AMMECR1L: variants seen among roughly 807,000 people sequenced by gnomAD.
The protein encoded by AMMECR1L is AMMECR1-like protein.
In AMMECR1L, 4 loss-of-function variants were observed where a neutral mutation model predicts 36.8. The observed-to-expected ratio is 0.11, with a 90% CI of 0.05 to 0.25. AMMECR1L has a LOEUF of 0.25. Ranked by LOEUF, AMMECR1L falls within the 10% of genes least tolerant of loss-of-function variation. AMMECR1L has a pLI of 1.00. For missense variants in AMMECR1L, 232 were observed against 392.1 expected (o/e 0.59, Z 3.45); for synonymous variants, 147 against 148.0 (o/e 0.99, Z 0.05).
Position 127,864,869 on chromosome 2 carries a change from T to G in AMMECR1L, c.*225A>C. 1.4e-5 allele frequency: 5 copies of G among 365,076 alleles called. No individual in the cohort carries two copies. The highest frequency in any genetic ancestry group is 4.8e-5 in the East Asian group (1 of 20,824). The allele number at this position is 365,076 out of a possible 1,614,324, so 22.6% of individuals were successfully genotyped here. A position where few individuals can be genotyped will look rare whatever the true frequency, so the allele number is the denominator to read the frequency against. On this transcript the variant is annotated 3_prime_UTR_variant, in exon 8 of 8. Coordinates refer to ENST00000272647, the MANE Select transcript of AMMECR1L (RefSeq NM_001199140.2). ...GGAGCCCCAATCCAACGGAACCCCA[T>G]ATTGAGGAAAGGCTGAGATAAGGCT...
chr2:127,869,640 AAC>A lies in AMMECR1L; in HGVS notation c.634-98_634-97del. ...ATCAACATTGTTCCCTGACCAGCTT[AAC>A]ACAGGCCTGGAAAAGGGAGACCTTC... On this transcript the variant is annotated intron_variant, in intron 5 of 7. Coordinates refer to ENST00000272647, the MANE Select transcript of AMMECR1L (RefSeq NM_001199140.2). The surrounding 1 kb of genome is among the most constrained non-coding windows in gnomAD (Gnocchi z 4.7). 1.9e-6 allele frequency: 2 copies of A among 1,032,130 alleles called. No homozygotes were observed. The highest frequency in any genetic ancestry group is 2.6e-5 in the South Asian group (2 of 75,892). 63.9% of individuals were successfully genotyped at this position (1,032,130 alleles called of 1,614,324 possible).
chr2:127,875,806 T>A (rs1691210549), intron 2 of AMMECR1L, among the ~76,000 whole-genome samples: 2 of 152,156 alleles, frequency 1.3e-5, no homozygotes, highest in African/African-American at 4.8e-5. Flanking sequence ...TCTCTCTTTT[T>A]CTTTAAGAGA....
chr2:127,874,079 G>C lies in AMMECR1L; in HGVS notation c.156C>G (p.His52Gln). The C allele has an allele frequency of 6.2e-7, 1 of 1,614,224 alleles. No individual in the cohort carries two copies. ...PGSSSGPLQN[H>Q]QHVDSSSGRE... is the part of the protein sequence containing the mutation. ...GTCCACTGCTGCTGTCCACATGCTG[G>C]TGGTTTTGAAGAGGTCCTGAACTAG... The change falls in exon 3 of 8, where the codon CAC becomes CAG. Residue 52 changes from histidine to glutamine, a missense_variant. Around this residue, in one of 3 missense-constraint regions of AMMECR1L, gnomAD observed 109 missense variants for 128.1 expected, o/e 0.85. Coordinates refer to ENST00000272647, the MANE Select transcript of AMMECR1L (RefSeq NM_001199140.2). The surrounding 1 kb of genome is among the most constrained non-coding windows in gnomAD (Gnocchi z 5.2).
At position 127,869,661 on chromosome 2, in the gene AMMECR1L, G is replaced by T; in HGVS notation, c.634-117C>A. The T allele has an allele frequency of 1.2e-6, 1 of 826,304 alleles. No individual in the cohort carries two copies. The highest frequency in any genetic ancestry group is 2.0e-6 in the Non-Finnish European group (1 of 503,084). 51.2% of individuals were successfully genotyped at this position (826,304 alleles called of 1,614,324 possible). A position where few individuals can be genotyped will look rare whatever the true frequency, so the allele number is the denominator to read the frequency against. On this transcript the variant is annotated intron_variant, in intron 5 of 7. Coordinates refer to ENST00000272647, the MANE Select transcript of AMMECR1L (RefSeq NM_001199140.2). The surrounding 1 kb of genome is among the most constrained non-coding windows in gnomAD (Gnocchi z 4.7). ...GCTTAACACAGGCCTGGAAAAGGGA[G>T]ACCTTCTCGCATTTCATGACTAATT...
chr2:127,885,608 G>T, intron 1 of AMMECR1L: 1 of 982,356 alleles, frequency 1.0e-6, no homozygotes, highest in Non-Finnish European at 1.2e-6. Flanking sequence ...CCCTCCGCTG[G>T]GACATGGCCT....
At chr2:127,882,044 C>T (rs138166056) in intron 2 of AMMECR1L, among the ~76,000 whole-genome samples, 113 of 152,256 alleles carry the variant, frequency 7.4e-4, no homozygotes, top group Non-Finnish European at 1.2e-3. Context: ...GCTTAAAATG[C>T]TATTATTGTA....
At chr2:127,882,197 A>G (rs1691530074) in intron 2 of AMMECR1L, among the ~76,000 whole-genome samples, 1 of 152,226 alleles carries the variant, frequency 6.6e-6, no homozygotes, top group Non-Finnish European at 1.5e-5. Context: ...ACAAGCCTCA[A>G]AACAGCTTAT....
At position 127,869,050 on chromosome 2, in the gene AMMECR1L, G is replaced by C. The variant is rs1690837844; in HGVS notation, c.724+404C>G. ...CTACTGAGTTCTTTAAAAAACAGTA[G>C]GGACTATGTTTACACCCTTTGCCAT... On this transcript the variant is annotated intron_variant, in intron 6 of 7. Transcript: ENST00000272647. This position sits in a 1 kb window ranked among gnomAD's most constrained non-coding sequence, Gnocchi z 4.7. 6.6e-6 allele frequency among the ~76,000 whole-genome samples: 1 copy of C among 152,074 alleles called. No individual in the cohort carries two copies. The highest frequency in any genetic ancestry group is 1.5e-5 in the Non-Finnish European group (1 of 68,012).
At position 127,869,663 on chromosome 2, in the gene AMMECR1L, C is replaced by A; in HGVS notation, c.634-119G>T. 1.2e-6 allele frequency: 1 copy of A among 810,140 alleles called. No homozygotes were observed. 50.2% of individuals were successfully genotyped at this position (810,140 alleles called of 1,614,324 possible). ...TTAACACAGGCCTGGAAAAGGGAGA[C>A]CTTCTCGCATTTCATGACTAATTCT... On this transcript the variant is annotated intron_variant, in intron 5 of 7. Transcript: ENST00000272647. This position sits in a 1 kb window ranked among gnomAD's most constrained non-coding sequence, Gnocchi z 4.7.
chr2:127,865,154 T>C lies in AMMECR1L; in HGVS notation c.873A>G (p.Arg291=), dbSNP rs1352853634. Residue 291 remains arginine (R), a synonymous_variant, in exon 8 of 8, where the codon CGA becomes CGG. Coordinates refer to ENST00000272647, the MANE Select transcript of AMMECR1L (RefSeq NM_001199140.2). This position sits in a 1 kb window ranked among gnomAD's most constrained non-coding sequence, Gnocchi z 5.4. ...TISYAEYIAS[R]QHCFQNGTLH... The stretch of plus-strand genomic sequence containing the variant: ...GAGTGCCGTTCTGGAAACAGTGCTG[T>C]CGGGAAGCAATATACTCTGCGTAAC... 1 of 1,613,708 alleles carries C rather than the reference T, an allele frequency of 6.2e-7. No individual in the cohort carries two copies. Among genetic ancestry groups the C allele is most frequent in the African/African-American group, 1.3e-5 (1 of 74,862 alleles).
Position 127,864,594 on chromosome 2 carries a change from C to T in AMMECR1L, c.*500G>A, listed in dbSNP as rs1364748202. Reference sequence around the variant, plus strand: ...GCTTATGAAGCATGGAGGTTGTAATCAACTCTTGGTACGCAATAAACTGGA... The same window carrying T: ...GCTTATGAAGCATGGAGGTTGTAATTAACTCTTGGTACGCAATAAACTGGA... On this transcript the variant is annotated 3_prime_UTR_variant, in exon 8 of 8. Coordinates refer to ENST00000272647, the MANE Select transcript of AMMECR1L (RefSeq NM_001199140.2). 1 of 152,374 alleles carries T rather than the reference C, an allele frequency of 6.6e-6. No individual in the cohort carries two copies. The highest frequency in any genetic ancestry group is 1.5e-5 in the Non-Finnish European group (1 of 68,156). The allele number at this position is 152,374 out of a possible 1,614,324, so 9.4% of individuals were successfully genotyped here. A position where few individuals can be genotyped will look rare whatever the true frequency, so the allele number is the denominator to read the frequency against.
In AMMECR1L at chr2:127,871,025, CAG is replaced by C. The variant is rs564221467; in HGVS notation, c.519-99_519-98del. 87 of 998,860 alleles carry C rather than the reference CAG, an allele frequency of 8.7e-5. 1 individual carries two copies. The African/African-American group carries it at 1.3e-3, about 15-fold the overall frequency. The allele number at this position is 998,860 out of a possible 1,614,324, so 61.9% of individuals were successfully genotyped here. On this transcript the variant is annotated intron_variant, in intron 4 of 7. Coordinates refer to ENST00000272647, the MANE Select transcript of AMMECR1L (RefSeq NM_001199140.2). The surrounding 1 kb of genome is among the most constrained non-coding windows in gnomAD (Gnocchi z 4.3). ...ACATATTTATGAATCTTGAGCTATG[CAG>C]AGAGTATCTATTGTTCATCAACACT...
At chr2:127,868,852 G>C (rs1169319743) in intron 6 of AMMECR1L, among the ~76,000 whole-genome samples, 1 of 151,958 alleles carries the variant, frequency 6.6e-6, no homozygotes, top group African/African-American at 2.4e-5. Context: ...AGCCTCCTGA[G>C]TAGCTGGGTC....
At position 127,885,252 on chromosome 2, in the gene AMMECR1L, G is replaced by A. The variant is rs1038524614; in HGVS notation, c.-149+558C>T. On this transcript the variant is annotated intron_variant, in intron 1 of 7. Coordinates refer to ENST00000272647, the MANE Select transcript of AMMECR1L (RefSeq NM_001199140.2). ...TGTTAAGAAAACGACAGGACAGAGC[G>A]GGGAGGGGAAAAGCGGGCCGAGGGA... 9 of 984,124 alleles carry A rather than the reference G, an allele frequency of 9.1e-6. No homozygotes were observed. The African/African-American group carries it at 1.4e-4, about 15-fold the overall frequency. The allele number at this position is 984,124 out of a possible 1,614,324, so 61.0% of individuals were successfully genotyped here. A position where few individuals can be genotyped will look rare whatever the true frequency, so the allele number is the denominator to read the frequency against.
Position 127,885,907 on chromosome 2 carries a change from C to T in AMMECR1L, c.-246G>A. The T allele has an allele frequency of 2.0e-6, 2 of 986,348 alleles. No individual in the cohort carries two copies. The highest frequency in any genetic ancestry group is 4.5e-5 in the South Asian group (1 of 22,138). The allele number at this position is 986,348 out of a possible 1,614,324, so 61.1% of individuals were successfully genotyped here. The stretch of plus-strand genomic sequence containing the variant: ...GAGCCATGCGCCTGGGTGGGGGCTC[C>T]CGAGAGAAGCTGGCCTGCGGGCGGG... On this transcript the variant is annotated 5_prime_UTR_variant, in exon 1 of 8. Transcript: ENST00000272647.
At chr2:127,872,138 G>A (rs1174146918) in intron 3 of AMMECR1L, among the ~76,000 whole-genome samples, 2 of 147,078 alleles carry the variant, frequency 1.4e-5, no homozygotes, top group Non-Finnish European at 3.0e-5. Context: ...GCAGTGAACC[G>A]AGATTGTGCC....
Position 127,863,954 on chromosome 2 carries a change from T to C in AMMECR1L, c.*1140A>G, listed in dbSNP as rs1451843837. On this transcript the variant is annotated 3_prime_UTR_variant, in exon 8 of 8. Coordinates refer to ENST00000272647, the MANE Select transcript of AMMECR1L (RefSeq NM_001199140.2). ...AAATTTGCCCTGGTGGGGTGAAGAT[T>C]CCCAGCATGTCAGGCAAGATAAAGG... is the stretch of plus-strand genomic sequence containing the variant. 1 of 152,306 alleles carries C rather than the reference T, an allele frequency of 6.6e-6. No individual in the cohort carries two copies. Among genetic ancestry groups the C allele is most frequent in the Non-Finnish European group, 1.5e-5 (1 of 68,046 alleles). The allele number at this position is 152,306 out of a possible 1,614,324, so 9.4% of individuals were successfully genotyped here. A position where few individuals can be genotyped will look rare whatever the true frequency, so the allele number is the denominator to read the frequency against.
chr2:127,866,062 C>T (rs1309406584), intron 7 of AMMECR1L, among the ~76,000 whole-genome samples: 1 of 152,014 alleles, frequency 6.6e-6, no homozygotes, highest in East Asian at 1.9e-4. Context: ...TTTTTGGAAT[C>T]CAAAGCATTT....
At position 127,863,726 on chromosome 2, in the gene AMMECR1L, T is replaced by C. The variant is rs1036084521; in HGVS notation, c.*1368A>G. ...TCCAACTGGCCACTCTCCCTGTGAA[T>C]CATTTTAGCAGTGCCTTTGTAACAA... is the stretch of plus-strand genomic sequence containing the variant. On this transcript the variant is annotated 3_prime_UTR_variant, in exon 8 of 8. Transcript: ENST00000272647. The C allele has an allele frequency of 3.3e-5, 5 of 152,678 alleles. No homozygotes were observed. The highest frequency in any genetic ancestry group is 4.8e-5 in the African/African-American group (2 of 41,468). The allele number at this position is 152,678 out of a possible 1,614,324, so 9.5% of individuals were successfully genotyped here.
Sources: gnomAD v4.1 joint callset for allele counts (sites outside exome capture counted in the v4.1 genomes callset) on GRCh38, gnomAD v4.1.1 for gene constraint, gnomAD v4.1.1 regional missense constraint, Gnocchi (gnomAD v3.1) non-coding constraint, MANE v1.5 for transcripts, NCBI Gene and HGNC (gene_info 2026-07-23, HGNC 2026-07-21) for gene names.